Variants in STAG1 observed in about 807,000 individuals in gnomAD.
STAG1 encodes the protein STAG1 cohesin complex component.
STAG1 carries 26 observed loss-of-function variants against 170.9 expected under a neutral mutation model. The observed-to-expected ratio is 0.15, with a 90% confidence interval of 0.11 to 0.21. The LOEUF (loss-of-function observed/expected upper bound fraction) is 0.21, where lower values mean the gene tolerates loss of function less well. Ranked by LOEUF, STAG1 falls within the 10% of genes least tolerant of loss-of-function variation. The pLI is 1.00. For missense variants in STAG1, 964 were observed against 1,509.5 expected (o/e 0.64, Z 5.99); for synonymous variants, 514 against 497.7 (o/e 1.03, Z -0.44).
chr3:136,638,148 CAG>C (rs1420203417), intron 1 of STAG1, among the ~76,000 whole-genome samples: 1 of 146,840 alleles, frequency 6.8e-6, no homozygotes, highest in African/African-American at 2.5e-5. Flanking sequence ...TTTTTTGAGA[CAG>C]AGTTTTGCTC....
At chr3:136,701,599 A>G (rs975632033) in intron 1 of STAG1, among the ~76,000 whole-genome samples, 5 of 152,182 alleles carry the variant, frequency 3.3e-5, no homozygotes, top group South Asian at 2.1e-4. Flanking sequence ...CCGGATGTAA[A>G]TATGTTGAAT....
chr3:136,614,884 A>G (rs919893474), intron 3 of STAG1, among the ~76,000 whole-genome samples: 2 of 152,196 alleles, frequency 1.3e-5, no homozygotes, highest in African/African-American at 2.4e-5. Context: ...CAAATAATAT[A>G]TATTAACTTT....
At chr3:136,493,276 G>A (rs920437339) in intron 9 of STAG1, among the ~76,000 whole-genome samples, 1 of 152,024 alleles carries the variant, frequency 6.6e-6, no homozygotes, top group African/African-American at 2.4e-5. Flanking sequence ...CCAGGATGTT[G>A]AGGCTGAAGT....
intron 3 of STAG1, among the ~76,000 whole-genome samples, chr3:136,605,047 C>T (rs1450487517): frequency 1.3e-5 from 2 of 152,192 alleles, no homozygotes; most frequent in African/African-American, 4.8e-5. Context: ...TGCATACATT[C>T]ATTGATACTC....
rs762546399 is a variant in STAG1 at position 136,357,776 on chromosome 3, A to G, written c.3009T>C (p.Phe1003=). The G allele has an allele frequency of 1.9e-6, 3 of 1,607,906 alleles. No individual in the cohort carries two copies. Among genetic ancestry groups the G allele is most frequent in the Non-Finnish European group, 2.5e-6 (3 of 1,178,182 alleles). The change falls in exon 28 of 34, where the codon TTT becomes TTC. Residue 1003 remains phenylalanine (F), a synonymous_variant. Coordinates refer to ENST00000383202, the MANE Select transcript of STAG1 (RefSeq NM_005862.3). ...GQEYPPPNLA[F]LEVLSEFSSK... ...AAGAAAATTCACTTAGTACTTCAAGAAAAGCCAGATTAGGAGGTGGATACT... is the reference window on the plus strand; with the variant it reads ...AAGAAAATTCACTTAGTACTTCAAGGAAAGCCAGATTAGGAGGTGGATACT...
chr3:136,705,148 G>A (rs1362983760), intron 1 of STAG1, among the ~76,000 whole-genome samples: 1 of 152,058 alleles, frequency 6.6e-6, no homozygotes, highest in African/African-American at 2.4e-5. Context: ...GGCCAAGGCA[G>A]GCGGATCACA....
intron 20 of STAG1, among the ~76,000 whole-genome samples, chr3:136,418,402 G>GAAAAAAAAAAAAAAA (rs1559789147): frequency 2.2e-5 from 2 of 89,392 alleles, no homozygotes; most frequent in African/African-American, 1.0e-4. Context: ...AAAAAAAAAG[G>GAAAAAAAAAAAAAAA]TTTTTTTCAT....
rs1211369375 is a variant in STAG1 at position 136,336,245 on chromosome 3, A to ATAGTT, written c.*2004_*2008dup. 6.6e-6 allele frequency: 1 copy of ATAGTT among 152,176 alleles called. No individual in the cohort carries two copies. Among genetic ancestry groups the ATAGTT allele is most frequent in the African/African-American group, 2.4e-5 (1 of 41,450 alleles). 9.4% of individuals were successfully genotyped at this position (152,176 alleles called of 1,614,324 possible). A position where few individuals can be genotyped will look rare whatever the true frequency, so the allele number is the denominator to read the frequency against. ...ATGACTACCACAAGCCTGATTTTGA[A>ATAGTT]TAGTTTATTAAAGGAAAGGTGAAGC... On this transcript the variant is annotated 3_prime_UTR_variant, in exon 34 of 34. Coordinates refer to ENST00000383202, the MANE Select transcript of STAG1 (RefSeq NM_005862.3).
At position 136,648,517 on chromosome 3, in the gene STAG1, C is replaced by G. The variant is rs1330396499; in HGVS notation, c.-83-17536G>C. ...CCATGACCTTGGTCAGGACATCCCA[C>G]AAATTGAGCTTCTTTTCTAACAATC... On this transcript the variant is annotated intron_variant, in intron 1 of 33. Coordinates refer to ENST00000383202, the MANE Select transcript of STAG1 (RefSeq NM_005862.3). Among the ~76,000 whole-genome samples, 4 of 152,346 alleles carry G rather than the reference C, an allele frequency of 2.6e-5. No individual in the cohort carries two copies. In the South Asian group the frequency reaches 6.2e-4, roughly 24 times the overall value.
At chr3:136,470,684 C>T (rs949390082) in intron 12 of STAG1, among the ~76,000 whole-genome samples, 2 of 152,154 alleles carry the variant, frequency 1.3e-5, no homozygotes, top group African/African-American at 4.8e-5. Flanking sequence ...CACATGCATA[C>T]ATATGTTTAT....
At chr3:136,472,183 C>T (rs928943619) in intron 12 of STAG1, among the ~76,000 whole-genome samples, 4 of 151,874 alleles carry the variant, frequency 2.6e-5, no homozygotes, top group African/African-American at 9.7e-5. Context: ...GGTATTTTCT[C>T]TAGGCTGCAT....
At chr3:136,399,061 T>C (rs752627312) in intron 21 of STAG1, among the ~76,000 whole-genome samples, 3 of 152,106 alleles carry the variant, frequency 2.0e-5, no homozygotes, top group Non-Finnish European at 4.4e-5. Context: ...CAGATTGAAA[T>C]AGCACTATGT....
At chr3:136,701,208 G>A (rs999338094) in intron 1 of STAG1, among the ~76,000 whole-genome samples, 1 of 152,084 alleles carries the variant, frequency 6.6e-6, no homozygotes, top group African/African-American at 2.4e-5. Flanking sequence ...AAGTTGACAT[G>A]ACAATCCCTA....
In STAG1 at chr3:136,610,759, AT is replaced by A. The variant is rs1425426132; in HGVS notation, c.133-6287del. Among the ~76,000 whole-genome samples, 5 of 152,148 alleles carry A rather than the reference AT, an allele frequency of 3.3e-5. No homozygotes were observed. The South Asian group carries it at 6.2e-4, about 19-fold the overall frequency. On this transcript the variant is annotated intron_variant, in intron 3 of 33. Coordinates refer to ENST00000383202, the MANE Select transcript of STAG1 (RefSeq NM_005862.3). ...CTCAATTATGAAAGAAAAAAAACAC[AT>A]TTACTCTTTGTTCTGTGAAGTTCTA... is the stretch of plus-strand genomic sequence containing the variant.
intron 9 of STAG1, among the ~76,000 whole-genome samples, chr3:136,496,204 C>G (rs916534047): frequency 6.6e-6 from 1 of 151,828 alleles, no homozygotes; most frequent in African/African-American, 2.4e-5. Flanking sequence ...TCCTATAAAC[C>G]CTTCTTAATA....
chr3:136,691,311 TGTAGTCCCAGCTACTCG>T (rs1942714203), intron 1 of STAG1, among the ~76,000 whole-genome samples: 1 of 151,946 alleles, frequency 6.6e-6, no homozygotes, highest in African/African-American at 2.4e-5. Flanking sequence ...GACAGACGCC[TGTAGTCCCAGCTACTCG>T]GGAGGCTGCG....
At chr3:136,691,888 G>A (rs1317902997) in intron 1 of STAG1, among the ~76,000 whole-genome samples, 2 of 152,172 alleles carry the variant, frequency 1.3e-5, no homozygotes, top group Non-Finnish European at 2.9e-5. Flanking sequence ...TCAGGCTTCA[G>A]AACTTGAGAG....
chr3:136,601,526 C>T (rs1480090827), intron 4 of STAG1, among the ~76,000 whole-genome samples: 3 of 151,906 alleles, frequency 2.0e-5, no homozygotes, highest in Non-Finnish European at 2.9e-5. Context: ...AAGTTTCAGC[C>T]GAAGACAGCT....
At chr3:136,573,575 A>T (rs933177406) in intron 4 of STAG1, among the ~76,000 whole-genome samples, 2 of 152,186 alleles carry the variant, frequency 1.3e-5, no homozygotes, top group Non-Finnish European at 2.9e-5. Flanking sequence ...GCCAAAAAAA[A>T]TATTTCAAAT....
Sources: allele counts gnomAD v4.1 joint callset (sites outside exome capture counted in the v4.1 genomes callset), GRCh38; gene constraint gnomAD v4.1.1; transcripts MANE v1.5; gene names NCBI Gene and HGNC (gene_info 2026-07-23, HGNC 2026-07-21).